The following GLMN variants were observed in gnomAD, a reference collection of about 807,000 sequenced individuals.
The protein encoded by GLMN is glomulin, FKBP associated protein, also known as glomulin.
GLMN carries 75 observed loss-of-function variants against 87.8 expected under a neutral mutation model. That is an observed-to-expected ratio of 0.85 (90% CI 0.71 to 1.04). The LOEUF (loss-of-function observed/expected upper bound fraction) is 1.04, where lower values mean the gene tolerates loss of function less well. GLMN is among the 50% of genes least tolerant of loss of function. The probability of loss-of-function intolerance (pLI) is 0.00; values close to 1 mark genes in which losing one functional copy is unlikely to be tolerated. For synonymous variants in GLMN, 206 were observed against 221.6 expected (o/e 0.93, Z 0.63); for missense variants, 588 against 658.8 (o/e 0.89, Z 1.18).
intron 16 of GLMN, among the ~76,000 whole-genome samples, chr1:92,253,132 C>G (rs1653755158): frequency 1.3e-5 from 2 of 152,100 alleles, no homozygotes; most frequent in Admixed American, 1.3e-4. Flanking sequence ...GAGAAAGAAA[C>G]AACTTACACA....
At chr1:92,355,583 CTCTT>C in the GLMN span, among the ~76,000 whole-genome samples, 1 of 152,156 alleles carries the variant, frequency 6.6e-6, no homozygotes, top group Non-Finnish European at 1.5e-5. Context: ...TAGTCAGTCA[CTCTT>C]TCTATGGAAA....
intron 16 of GLMN, among the ~76,000 whole-genome samples, chr1:92,251,410 A>AAAATCTCTCAACCCATATCTC (rs1291472600): frequency 2.0e-5 from 3 of 152,152 alleles, no homozygotes; most frequent in Admixed American, 1.3e-4. Context: ...AAAAGAAAAA[A>AAAATCTCTCAACCCATATCTC]AAATCTCTCA....
At chr1:92,261,855 CATG>C (rs1655097699) in intron 16 of GLMN, among the ~76,000 whole-genome samples, 1 of 64,444 alleles carries the variant, frequency 1.6e-5, no homozygotes, top group African/African-American at 5.5e-5. Flanking sequence ...GTGATAGATA[CATG>C]ATGAAGTTAG....
At chr1:92,249,727 C>T (rs1035992853) in intron 16 of GLMN, among the ~76,000 whole-genome samples, 3 of 152,006 alleles carry the variant, frequency 2.0e-5, no homozygotes, top group African/African-American at 7.3e-5. Flanking sequence ...TACAGCTTGT[C>T]TTTTATCTAA....
At chr1:92,305,450 A>AAAAAAAAAAAAAAAAAAC in the GLMN span, among the ~76,000 whole-genome samples, 5 of 141,850 alleles carry the variant, frequency 3.5e-5, no homozygotes, top group African/African-American at 1.5e-4. Flanking sequence ...AAAAAAAAAA[A>AAAAAAAAAAAAAAAAAAC]AGACAATATG....
At chr1:92,351,860 G>C in the GLMN span, among the ~76,000 whole-genome samples, 1 of 152,216 alleles carries the variant, frequency 6.6e-6, no homozygotes, top group Middle Eastern at 3.4e-3. Context: ...TAATATAAAA[G>C]CTTTGTAAAT....
intron 7 of GLMN, among the ~76,000 whole-genome samples, chr1:92,276,774 C>A (rs756962699): frequency 6.6e-6 from 1 of 152,056 alleles, no homozygotes; most frequent in Non-Finnish European, 1.5e-5. Flanking sequence ...TAAAGACTTA[C>A]AGATGAATTA....
At chr1:92,258,308 G>C (rs1338585775) in intron 16 of GLMN, among the ~76,000 whole-genome samples, 1 of 152,176 alleles carries the variant, frequency 6.6e-6, no homozygotes, top group Admixed American at 6.5e-5. Flanking sequence ...GTTGGTGGGA[G>C]TCTAAATTAG....
chr1:92,306,383 A>G, the GLMN span, among the ~76,000 whole-genome samples: 1 of 152,230 alleles, frequency 6.6e-6, no homozygotes, highest in African/African-American at 2.4e-5. Context: ...ATATTTTACC[A>G]CAATTGTGAA....
intron 16 of GLMN, among the ~76,000 whole-genome samples, chr1:92,254,479 G>A (rs1215925234): frequency 6.6e-6 from 1 of 152,164 alleles, no homozygotes; most frequent in Non-Finnish European, 1.5e-5. Context: ...GATTCACCAA[G>A]GTTGAAATGA....
chr1:92,345,067 T>C, the GLMN span, among the ~76,000 whole-genome samples: 1 of 152,176 alleles, frequency 6.6e-6, no homozygotes, highest in Non-Finnish European at 1.5e-5. Flanking sequence ...AACTTTTCTT[T>C]AATAAAGACC....
the GLMN span, among the ~76,000 whole-genome samples, chr1:92,358,020 G>A: frequency 1.3e-5 from 2 of 152,170 alleles, no homozygotes; most frequent in Non-Finnish European, 2.9e-5. Flanking sequence ...TCAAACTCCT[G>A]GGTTCAAGTG....
the GLMN span, chr1:92,304,089 T>G: frequency 6.4e-7 from 1 of 1,552,368 alleles, no homozygotes; most frequent in Admixed American, 1.8e-5. Context: ...AGTAACTCAT[T>G]TTTTTTAAAA....
At chr1:92,350,551 T>G in the GLMN span, among the ~76,000 whole-genome samples, 1 of 152,222 alleles carries the variant, frequency 6.6e-6, no homozygotes, top group Non-Finnish European at 1.5e-5. Context: ...TTGAACCTGA[T>G]TTTCTTAACT....
the GLMN span, among the ~76,000 whole-genome samples, chr1:92,361,461 A>G: frequency 2.6e-5 from 4 of 152,296 alleles, no homozygotes; most frequent in South Asian, 8.3e-4. Context: ...GACTTATGGC[A>G]TAGATTTGAT....
At chr1:92,272,286 C>G (rs1656317001) in intron 7 of GLMN, among the ~76,000 whole-genome samples, 1 of 152,190 alleles carries the variant, frequency 6.6e-6, no homozygotes, top group Non-Finnish European at 1.5e-5. Context: ...TGTGGCTGGA[C>G]TCCTGATCCA....
At position 92,247,130 on chromosome 1, in the gene GLMN, T is replaced by C. The variant is rs761409643; in HGVS notation, c.1600A>G (p.Lys534Glu). ...CTTACAGTTATAGAACAAAGATCTT[T>C]AGATTTCTGGGCCTCTGTAAGAGAA... ...IKNSQEAQKS[K>E]DLCSITVSGE... Residue 534 changes from lysine to glutamate, a missense_variant, in exon 18 of 19, where the codon AAA becomes GAA. Lys to Glu is a moderately conservative substitution (Grantham distance 56). Coordinates refer to ENST00000370360, the MANE Select transcript of GLMN (RefSeq NM_053274.3). The C allele has an allele frequency of 1.9e-6, 3 of 1,541,228 alleles. No homozygotes were observed. The highest frequency in any genetic ancestry group is 1.1e-5 in the South Asian group (1 of 89,578).
At chr1:92,255,628 A>G (rs1654123743) in intron 16 of GLMN, among the ~76,000 whole-genome samples, 2 of 152,222 alleles carry the variant, frequency 1.3e-5, no homozygotes, top group Admixed American at 1.3e-4. Context: ...CCACAGAACT[A>G]CATGGAAACT....
chr1:92,299,366 C>T (rs1173235641), upstream of GLMN, among the ~76,000 whole-genome samples: 2 of 152,188 alleles, frequency 1.3e-5, no homozygotes, highest in Admixed American at 6.5e-5. Context: ...ATTTCCCTCA[C>T]GCGGACTGTG....
Sources: allele counts gnomAD v4.1 joint callset (sites outside exome capture counted in the v4.1 genomes callset), GRCh38; gene constraint gnomAD v4.1.1; transcripts MANE v1.5; gene names NCBI Gene and HGNC (gene_info 2026-07-23, HGNC 2026-07-21).